TENM2: variants seen among roughly 807,000 people sequenced by gnomAD.
TENM2 encodes the protein teneurin transmembrane protein 2, also known as teneurin-2.
Under a neutral mutation model 245.2 loss-of-function variants are expected in TENM2, and 52 were observed. The observed-to-expected ratio is 0.21, with a 90% confidence interval of 0.17 to 0.27. The LOEUF (loss-of-function observed/expected upper bound fraction) is 0.27. TENM2 is among the 10% of genes least tolerant of loss of function. TENM2 has a pLI of 1.00. For missense variants in TENM2, 3,046 were observed against 3,666.8 expected, an observed-to-expected ratio of 0.83 and a Z score of 4.37; for synonymous variants, 1,363 against 1,438.9, an observed-to-expected ratio of 0.95 and a Z score of 1.19.
intron 3 of TENM2, among the ~76,000 whole-genome samples, chr5:167,938,274 G>A (rs2112311): frequency 0.025 from 3,756 of 152,264 alleles, 163 homozygotes; most frequent in African/African-American, 0.085. Context: ...ATGTGCATAT[G>A]TGTAGACCCA....
chr5:167,583,248 C>T (rs1775221043), intron 2 of TENM2, among the ~76,000 whole-genome samples: 2 of 152,124 alleles, frequency 1.3e-5, no homozygotes. Context: ...CTTAATATGC[C>T]TTGCACACAT....
chr5:167,259,955 G>A, the TENM2 span, among the ~76,000 whole-genome samples: 1 of 152,146 alleles, frequency 6.6e-6, no homozygotes, highest in Non-Finnish European at 1.5e-5. Flanking sequence ...AGCCTTTTAT[G>A]TCTTGAATCA....
intron 2 of TENM2, among the ~76,000 whole-genome samples, chr5:167,585,009 T>A (rs180831129): frequency 5.4e-4 from 83 of 152,322 alleles, no homozygotes; most frequent in African/African-American, 1.9e-3. Flanking sequence ...TCAATAACTC[T>A]TGAATGAATG....
chr5:167,789,480 C>T lies in TENM2; in HGVS notation c.503-86506C>T, dbSNP rs1561783390. On this transcript the variant is annotated intron_variant, in intron 2 of 28. Transcript: ENST00000518659. Reference sequence around the variant, plus strand: ...GTGGAAGGAGTGGATTCCAACATTTCTTCTCTGGATCGCCCAGCCAAGTTT... The same window carrying T: ...GTGGAAGGAGTGGATTCCAACATTTTTTCTCTGGATCGCCCAGCCAAGTTT... 3.9e-5 allele frequency among the ~76,000 whole-genome samples: 6 copies of T among 152,322 alleles called. No individual in the cohort carries two copies. In the South Asian group the frequency reaches 8.3e-4, roughly 21 times the overall value.
At chr5:167,325,485 A>G (rs553556051) in intron 1 of TENM2, among the ~76,000 whole-genome samples, 1 of 152,290 alleles carries the variant, frequency 6.6e-6, no homozygotes, top group Non-Finnish European at 1.5e-5. Flanking sequence ...CCCACAGAGG[A>G]GAGAAGCCCA....
At chr5:167,346,774 T>A (rs1758481130) in intron 1 of TENM2, among the ~76,000 whole-genome samples, 1 of 151,898 alleles carries the variant, frequency 6.6e-6, no homozygotes, top group Non-Finnish European at 1.5e-5. Context: ...AAGCCCCAAC[T>A]ATTTTTTTTT....
At chr5:167,462,181 A>ACCGC (rs1766342115) in intron 2 of TENM2, among the ~76,000 whole-genome samples, 2 of 75,022 alleles carry the variant, frequency 2.7e-5, no homozygotes, top group Non-Finnish European at 5.4e-5. Context: ...CCTGACCCCC[A>ACCGC]CCCCCCCCCC....
chr5:167,839,740 G>T (rs1176067941), intron 2 of TENM2, among the ~76,000 whole-genome samples: 1 of 152,070 alleles, frequency 6.6e-6, no homozygotes, highest in Non-Finnish European at 1.5e-5. Context: ...ACCAGTTTTT[G>T]CTTATTTGTT....
Position 167,766,074 on chromosome 5 carries a change from C to T in TENM2, c.503-109912C>T, listed in dbSNP as rs953987523. On this transcript the variant is annotated intron_variant, in intron 2 of 28. Coordinates refer to ENST00000518659, the Ensembl canonical transcript of TENM2. ...AAATGAACAAGCAGAAATATTATAA[C>T]TGAATATTTATGTTAGTGTTATGTG... is the stretch of plus-strand genomic sequence containing the variant. Among the ~76,000 whole-genome samples the T allele has an allele frequency of 8.6e-5, 13 of 152,030 alleles. 1 individual carries two copies. Among genetic ancestry groups the T allele is most frequent in the Admixed American group, 1.3e-4 (2 of 15,274 alleles).
intron 4 of TENM2, among the ~76,000 whole-genome samples, chr5:167,976,174 C>G (rs1010426301): frequency 6.6e-6 from 1 of 152,090 alleles, no homozygotes; most frequent in African/African-American, 2.4e-5. Flanking sequence ...CCAGCAAATG[C>G]ATCTTGAGCA....
intron 1 of TENM2, among the ~76,000 whole-genome samples, chr5:167,369,602 A>G (rs887038351): frequency 1.3e-5 from 2 of 152,176 alleles, no homozygotes; most frequent in African/African-American, 4.8e-5. Flanking sequence ...GTGAGAAGAG[A>G]TACTAGGAGA....
chr5:167,553,763 GCT>G (rs1171872761), intron 2 of TENM2, among the ~76,000 whole-genome samples: 7 of 152,152 alleles, frequency 4.6e-5, no homozygotes, highest in African/African-American at 7.2e-5. Context: ...AATGGACCAA[GCT>G]GTTGGGGTAG....
chr5:167,593,031 T>A (rs1775979649), intron 2 of TENM2, among the ~76,000 whole-genome samples: 1 of 152,240 alleles, frequency 6.6e-6, no homozygotes, highest in Non-Finnish European at 1.5e-5. Context: ...AATTGCCTAA[T>A]ATTTTCTCTT....
intron 2 of TENM2, among the ~76,000 whole-genome samples, chr5:167,586,849 C>CA (rs1416652326): frequency 2.2e-5 from 3 of 133,656 alleles, no homozygotes; most frequent in Non-Finnish European, 4.9e-5. Flanking sequence ...TTTTTATTCA[C>CA]AAAAATATCT....
chr5:167,993,223 A>C, intron 5 of TENM2, 41 bp downstream of exon 7: 1 of 1,521,630 alleles, frequency 6.6e-7, no homozygotes, highest in South Asian at 1.1e-5. Context: ...TGGGGATGAC[A>C]ACATGAGGGG....
intron 17 of TENM2, 57 bp downstream of exon 19, chr5:168,200,188 AC>A: frequency 6.6e-7 from 1 of 1,512,986 alleles, no homozygotes; most frequent in Non-Finnish European, 9.0e-7. Flanking sequence ...TGTTAATTCG[AC>A]CCATATTTAT....
chr5:167,972,368 G>A (rs895075818), intron 4 of TENM2, among the ~76,000 whole-genome samples: 2 of 152,102 alleles, frequency 1.3e-5, no homozygotes, highest in African/African-American at 4.8e-5. Context: ...TATTGTGGAA[G>A]CATTTTCAGG....
At chr5:167,893,464 A>G (rs999742466) in intron 3 of TENM2, among the ~76,000 whole-genome samples, 6 of 152,246 alleles carry the variant, frequency 3.9e-5, no homozygotes, top group African/African-American at 1.4e-4. Context: ...AGACTTCTTT[A>G]AAAAGGAACA....
intron 12 of TENM2, among the ~76,000 whole-genome samples, chr5:168,161,817 TACAC>T (rs113801768): frequency 7.7e-4 from 114 of 147,346 alleles, no homozygotes; most frequent in African/African-American, 1.3e-3. Flanking sequence ...AGCGCATGTA[TACAC>T]ACACACACAC....
Sources: gnomAD v4.1 joint callset for allele counts (sites outside exome capture counted in the v4.1 genomes callset) on GRCh38, gnomAD v4.1.1 for gene constraint, MANE v1.5 for transcripts, NCBI Gene and HGNC (gene_info 2026-07-23, HGNC 2026-07-21) for gene names.